Variants in ARHGEF10 observed in about 807,000 individuals in gnomAD.
The protein encoded by ARHGEF10 is Rho guanine nucleotide exchange factor (GEF) 10.
A neutral mutation model predicts 147.4 loss-of-function variants in ARHGEF10; 140 were observed. That is an observed-to-expected ratio of 0.95 (90% CI 0.83 to 1.09). ARHGEF10 has a LOEUF of 1.09. Among genes scored for constraint, ARHGEF10 ranks in the 50% least tolerant of loss-of-function variants. The pLI is 0.00. For synonymous variants in ARHGEF10, 902 were observed against 695.8 expected (o/e 1.30, Z -4.67); for missense variants, 2,222 against 1,752.7 (o/e 1.27, Z -4.78).
chr8:1,892,277 C>CTGTG (rs66526026), intron 11 of ARHGEF10, among the ~76,000 whole-genome samples: 13,374 of 126,452 alleles, frequency 0.11, 763 homozygotes, highest in Middle Eastern at 0.17. Flanking sequence ...GCTTCTGGCT[C>CTGTG]TGTGTGTGTG....
At chr8:1,833,132 A>AGAGACAGAAGCAGAGG (rs1406959595) in intron 1 of ARHGEF10, among the ~76,000 whole-genome samples, 23 of 74,506 alleles carry the variant, frequency 3.1e-4, no homozygotes, top group Non-Finnish European at 5.4e-4. Context: ...AGACAGAGGC[A>AGAGACAGAAGCAGAGG]GAGGCAGAGA....
intron 26 of ARHGEF10, among the ~76,000 whole-genome samples, chr8:1,935,226 C>T (rs899973754): frequency 6.6e-6 from 1 of 152,116 alleles, no homozygotes; most frequent in Non-Finnish European, 1.5e-5. Flanking sequence ...CCACAACCCC[C>T]CATCAGCCCC....
chr8:1,857,847 T>TA (rs1585285397), intron 2 of ARHGEF10, 113 bp from the exon 3 acceptor site: 2 of 1,003,364 alleles, frequency 2.0e-6, no homozygotes, highest in Non-Finnish European at 3.1e-6. Flanking sequence ...CAGAGGAACT[T>TA]AGTCAGTGTC....
intron 7 of ARHGEF10, chr8:1,869,566 C>T (rs1390891815): frequency 2.1e-6 from 1 of 472,236 alleles, no homozygotes; most frequent in African/African-American, 2.0e-5. Flanking sequence ...GAATAAATGA[C>T]ATCAGTGAGA....
chr8:1,952,595 C>T (rs1163194369), intron 27 of ARHGEF10, 110 bp from the exon 28 acceptor site: 18 of 1,442,188 alleles, frequency 1.2e-5, no homozygotes, highest in African/African-American at 2.8e-5. Context: ...CTGCCCCTGG[C>T]GGATTTGGTG....
intron 18 of ARHGEF10, among the ~76,000 whole-genome samples, chr8:1,914,810 A>T (rs1021426348): frequency 6.6e-6 from 1 of 152,086 alleles, no homozygotes; most frequent in Non-Finnish European, 1.5e-5. Context: ...CCTTCCCACG[A>T]CTCAAAAGTG....
At position 1,925,384 on chromosome 8, in the gene ARHGEF10, G is replaced by A. The variant is rs1812608895; in HGVS notation, c.2590G>A (p.Ala864Thr). 6.2e-7 allele frequency: 1 copy of A among 1,613,994 alleles called. No individual in the cohort carries two copies. Among genetic ancestry groups the A allele is most frequent in the African/African-American group, 1.3e-5 (1 of 74,916 alleles). ...LLVGHMPVMV[A>T]KQQEFKIECA... Reference sequence around the variant, plus strand: ...CGTCGGACACATGCCCGTGATGGTGGCCAAGCAGCAGGAGTTCAAGGTGAA... The same window carrying A: ...CGTCGGACACATGCCCGTGATGGTGACCAAGCAGCAGGAGTTCAAGGTGAA... The change falls in exon 22 of 29, where the codon GCC becomes ACC. Residue 864 changes from alanine to threonine, a missense_variant. Coordinates refer to ENST00000349830, the MANE Select transcript of ARHGEF10 (RefSeq NM_014629.4).
intron 18 of ARHGEF10, among the ~76,000 whole-genome samples, chr8:1,919,165 G>A (rs989679945): frequency 6.7e-6 from 1 of 148,468 alleles, no homozygotes; most frequent in African/African-American, 2.5e-5. Context: ...TTCCGTGGGT[G>A]ATGGAGCTGT....
At chr8:1,867,661 C>T (rs758521990) in intron 6 of ARHGEF10, among the ~76,000 whole-genome samples, 21 of 152,176 alleles carry the variant, frequency 1.4e-4, no homozygotes, top group Non-Finnish European at 1.3e-4. Context: ...GTCCCACCTG[C>T]GGCTTCAAAG....
Position 1,877,288 on chromosome 8 carries a change from C to T in ARHGEF10, c.843+554C>T, listed in dbSNP as rs146574609. Among the ~76,000 whole-genome samples, 850 of 152,246 alleles carry T rather than the reference C, an allele frequency of 5.6e-3. 6 individuals are homozygous for T. The highest frequency in any genetic ancestry group is 0.019 in the African/African-American group (787 of 41,530). On this transcript the variant is annotated intron_variant, in intron 8 of 28. Coordinates refer to ENST00000349830, the MANE Select transcript of ARHGEF10 (RefSeq NM_014629.4). ...TGTCTCCCAGGCTGGAGTGCAATGGCGCAATCTCAGCTCACTGCAATCTCT... is the reference window on the plus strand; with the variant it reads ...TGTCTCCCAGGCTGGAGTGCAATGGTGCAATCTCAGCTCACTGCAATCTCT...
At chr8:1,861,529 G>T (rs1806131954) in intron 4 of ARHGEF10, among the ~76,000 whole-genome samples, 1 of 152,212 alleles carries the variant, frequency 6.6e-6, no homozygotes, top group African/African-American at 2.4e-5. Flanking sequence ...TTCATGGGAT[G>T]TTCCTCTAAT....
At position 1,919,626 on chromosome 8, in the gene ARHGEF10, C is replaced by T. The variant is rs1408298203; in HGVS notation, c.2144-3338C>T. Among the ~76,000 whole-genome samples, 13 of 126,910 alleles carry T rather than the reference C, an allele frequency of 1.0e-4. 1 individual carries two copies. Among genetic ancestry groups the T allele is most frequent in the African/African-American group, 3.5e-4 (11 of 31,460 alleles). The allele number at this position is 126,910 out of a possible 152,430, so 83.3% of individuals were successfully genotyped here. On this transcript the variant is annotated intron_variant, in intron 18 of 28. Transcript: ENST00000349830. ...GGTGATAAACTGTTCTGTCAAGTGA[C>T]AGAGCTGTTCTGTGGGTGATGAGCT...
At chr8:1,919,308 G>A (rs1408510105) in intron 18 of ARHGEF10, among the ~76,000 whole-genome samples, 1 of 149,268 alleles carries the variant, frequency 6.7e-6, no homozygotes, top group Non-Finnish European at 1.5e-5. Flanking sequence ...ATGGGTAATG[G>A]AGCTGTTCTG....
Position 1,897,037 on chromosome 8 carries a change from A to T in ARHGEF10, c.1557+588A>T, listed in dbSNP as rs558235674. Among the ~76,000 whole-genome samples the T allele has an allele frequency of 1.9e-3, 281 of 151,464 alleles. 1 individual carries two copies. Among genetic ancestry groups the T allele is most frequent in the Non-Finnish European group, 3.1e-3 (210 of 68,000 alleles). The stretch of plus-strand genomic sequence containing the variant: ...GATGCGTGTCCGAGGCTGTGTTCTG[A>T]CAGTTTGCTGCACAATGAACCAAGC... On this transcript the variant is annotated intron_variant, in intron 14 of 28. Transcript: ENST00000349830.
chr8:1,947,830 A>G lies in ARHGEF10; in HGVS notation c.3397+2175A>G, dbSNP rs1585649462. Among the ~76,000 whole-genome samples the G allele has an allele frequency of 2.8e-5, 4 of 141,442 alleles. No individual in the cohort carries two copies. The South Asian group carries it at 9.0e-4, about 32-fold the overall frequency. The allele number at this position is 141,442 out of a possible 152,430, so 92.8% of individuals were successfully genotyped here. A position where few individuals can be genotyped will look rare whatever the true frequency, so the allele number is the denominator to read the frequency against. ...GCTGCTGCTCGAAAGCCACTCCTGT[A>G]TGGCAGGTTCTTGATGCTTTGTTTT... On this transcript the variant is annotated intron_variant, in intron 27 of 28. Transcript: ENST00000349830.
Position 1,929,378 on chromosome 8 carries a change from G to C in ARHGEF10, c.3014G>C (p.Cys1005Ser). Residue 1005 changes from cysteine (C) to serine (S), a missense_variant, in exon 25 of 29, where the codon TGC becomes TCC. Physicochemically the swap from Cys to Ser is moderately radical, Grantham distance 112. Transcript: ENST00000349830. The part of the protein sequence containing the change: ...PEKSTVMSLA[C>S]TSQSLYAGLV... ...AAGTCCACAGTCATGAGCCTGGCTT[G>C]CACGTCTCAGAGCCTGTACGCTGGC... The C allele has an allele frequency of 6.2e-7, 1 of 1,613,624 alleles. No homozygotes were observed. The highest frequency in any genetic ancestry group is 8.5e-7 in the Non-Finnish European group (1 of 1,180,040).
chr8:1,828,213 C>CTTTGT (rs1010436329), intron 1 of ARHGEF10, among the ~76,000 whole-genome samples: 3 of 152,190 alleles, frequency 2.0e-5, no homozygotes, highest in African/African-American at 7.2e-5. Context: ...AGATCACGTT[C>CTTTGT]TTTGTTTTGT....
intron 1 of ARHGEF10, among the ~76,000 whole-genome samples, chr8:1,840,959 C>T (rs1803985030): frequency 6.6e-6 from 1 of 152,206 alleles, no homozygotes; most frequent in Admixed American, 6.5e-5. Flanking sequence ...CCTGCAAGGG[C>T]ACCCGATGTG....
chr8:1,886,966 C>T (rs1808715815), intron 11 of ARHGEF10, among the ~76,000 whole-genome samples: 1 of 152,306 alleles, frequency 6.6e-6, no homozygotes, highest in South Asian at 2.1e-4. Flanking sequence ...CTAGCGCTTT[C>T]TCCTGTGCAT....
Sources: gnomAD v4.1 joint callset for allele counts (sites outside exome capture counted in the v4.1 genomes callset) on GRCh38, gnomAD v4.1.1 for gene constraint, MANE v1.5 for transcripts, NCBI Gene and HGNC (gene_info 2026-07-23, HGNC 2026-07-21) for gene names.